STAT3: variants seen among roughly 807,000 people sequenced by gnomAD.
STAT3 encodes the protein signal transducer and activator of transcription 3, also known as DNA-binding protein APRF.
In STAT3, 7 loss-of-function variants were observed where a neutral mutation model predicts 114.3. The ratio of observed to expected loss-of-function variants is 0.06; its 90% CI spans 0.03 to 0.11. The LOEUF (loss-of-function observed/expected upper bound fraction) is 0.11. STAT3 is among the 10% of genes least tolerant of loss of function. STAT3 has a pLI of 1.00. For missense variants in STAT3, 364 were observed against 960.9 expected (o/e 0.38, Z 8.21); for synonymous variants, 331 against 354.5 (o/e 0.93, Z 0.74).
chr17:42,330,392 A>G (rs995702054), intron 11 of STAT3, among the ~76,000 whole-genome samples: 4 of 150,186 alleles, frequency 2.7e-5, no homozygotes, highest in African/African-American at 9.8e-5. Context: ...CTGAGATTAC[A>G]GGCGTGAGCC....
chr17:42,344,725 A>G (rs936172198), intron 4 of STAT3, among the ~76,000 whole-genome samples: 18 of 151,290 alleles, frequency 1.2e-4, no homozygotes, highest in Middle Eastern at 6.8e-3. Flanking sequence ...TCTCAAAAAA[A>G]AAAAAAAAGA....
At chr17:42,383,366 C>T (rs1598540848) in intron 1 of STAT3, among the ~76,000 whole-genome samples, 1 of 143,910 alleles carries the variant, frequency 6.9e-6, no homozygotes, top group Admixed American at 6.9e-5. Context: ...CTGTTTTTGC[C>T]TTTTTTTTTT....
rs1477283446 is a variant in STAT3 at position 42,339,343 on chromosome 17, G to A, written c.439C>T (p.His147Tyr). ...VTEKQQMLEQHLQDVRKRVQD... is the reference protein window; with the variant it reads ...VTEKQQMLEQYLQDVRKRVQD... ...ACTCTCTTCCGGACATCCTGAAGGT[G>A]CTGCTCCAGCATCTGCTGCTTCTCC... is the stretch of plus-strand genomic sequence containing the variant. Residue 147 changes from histidine (H) to tyrosine (Y), a missense_variant, in exon 5 of 24, where the codon CAC becomes TAC. By Grantham distance (83) the His-to-Tyr change is moderately conservative. Around this residue, in one of 5 missense-constraint regions of STAT3, gnomAD observed 294 missense variants for 745.1 expected, o/e 0.39. Transcript: ENST00000264657. 1 of 1,614,028 alleles carries A rather than the reference G, an allele frequency of 6.2e-7. No homozygotes were observed. Among genetic ancestry groups the A allele is most frequent in the Non-Finnish European group, 8.5e-7 (1 of 1,179,990 alleles).
At chr17:42,380,636 G>A (rs932583750) in intron 1 of STAT3, among the ~76,000 whole-genome samples, 23 of 152,000 alleles carry the variant, frequency 1.5e-4, no homozygotes, top group African/African-American at 4.1e-4. Context: ...TGATCCACCC[G>A]CCTTGGCCTC....
Position 42,331,474 on chromosome 17 carries a change from G to A in STAT3, c.1107C>T (p.Asp369=). Residue 369 remains aspartate, a splice_region_variant and synonymous_variant, in exon 11 of 24, where the codon GAC becomes GAT. Transcript: ENST00000264657. ...NYQLKIKVCI[D]KDSGDVAALR... is the part of the protein sequence containing the mutation. ...AGAGCTAAGATAGGAGTACTTACTT[G>A]TCAATGCACACTTTAATTTTAAGCT... The A allele has an allele frequency of 6.2e-7, 1 of 1,613,146 alleles. No individual in the cohort carries two copies. Among genetic ancestry groups the A allele is most frequent in the East Asian group, 2.2e-5 (1 of 44,848 alleles).
At chr17:42,376,703 G>A (rs759042827) in intron 1 of STAT3, among the ~76,000 whole-genome samples, 3 of 151,720 alleles carry the variant, frequency 2.0e-5, no homozygotes, top group African/African-American at 4.8e-5. Context: ...AAAATTAGCC[G>A]GGCATTGTGA....
At chr17:42,381,225 A>G (rs2084775275) in intron 1 of STAT3, among the ~76,000 whole-genome samples, 1 of 152,220 alleles carries the variant, frequency 6.6e-6, no homozygotes, top group East Asian at 1.9e-4. Context: ...TCAAAACTAC[A>G]ATAGCAATCA....
At chr17:42,376,144 C>T (rs1207736276) in intron 1 of STAT3, among the ~76,000 whole-genome samples, 2 of 45,576 alleles carry the variant, frequency 4.4e-5, no homozygotes, top group African/African-American at 8.8e-5. Context: ...GAGTGAGACT[C>T]CGTCTCAAAA....
intron 1 of STAT3, among the ~76,000 whole-genome samples, chr17:42,362,939 AC>A (rs1012192201): frequency 6.6e-6 from 1 of 152,010 alleles, no homozygotes; most frequent in African/African-American, 2.4e-5. Flanking sequence ...TATCACCATC[AC>A]CATGACTTGC....
At chr17:42,316,310 A>C (rs570979439) in intron 23 of STAT3, 7 of 355,046 alleles carry the variant, frequency 2.0e-5, no homozygotes, top group South Asian at 1.4e-4. Flanking sequence ...ATCTCTGCTC[A>C]CTGCAACCTC....
intron 20 of STAT3, 85 bp downstream of exon 20, chr17:42,322,919 A>AG: frequency 6.3e-7 from 1 of 1,597,958 alleles, no homozygotes; most frequent in South Asian, 1.1e-5. Context: ...TCCACCCACC[A>AG]GGGGGCAGTA....
At chr17:42,332,499 C>A (rs1163229656) in intron 10 of STAT3, among the ~76,000 whole-genome samples, 1 of 134,732 alleles carries the variant, frequency 7.4e-6, no homozygotes, top group Non-Finnish European at 1.5e-5. Flanking sequence ...GATCACACCT[C>A]AGCACTCTAG....
rs1006843641 is a variant in STAT3, at chr17:42,324,624, A to C, written c.1600+87T>G. ...AGGAAAGAAACATGGCCTAATGCTCAGTAGACATGGCCCAAATGAACAGCC... is the reference window on the plus strand; with the variant it reads ...AGGAAAGAAACATGGCCTAATGCTCCGTAGACATGGCCCAAATGAACAGCC... On this transcript the variant is annotated intron_variant, in intron 17 of 23. Coordinates refer to ENST00000264657, the MANE Select transcript of STAT3 (RefSeq NM_139276.3). This position sits in a 1 kb window ranked among gnomAD's most constrained non-coding sequence, Gnocchi z 4.5. 2 of 1,507,778 alleles carry C rather than the reference A, an allele frequency of 1.3e-6. No homozygotes were observed. The highest frequency in any genetic ancestry group is 1.8e-6 in the Non-Finnish European group (2 of 1,124,404). 93.4% of individuals were successfully genotyped at this position (1,507,778 alleles called of 1,614,324 possible).
At chr17:42,344,144 C>T (rs988081395) in intron 4 of STAT3, among the ~76,000 whole-genome samples, 2 of 152,142 alleles carry the variant, frequency 1.3e-5, no homozygotes, top group East Asian at 1.9e-4. Flanking sequence ...TTAATTAAGC[C>T]AGGTGCGGTT....
At chr17:42,385,412 G>C (rs1046957417) in intron 1 of STAT3, among the ~76,000 whole-genome samples, 2 of 151,476 alleles carry the variant, frequency 1.3e-5, no homozygotes, top group African/African-American at 2.4e-5. Flanking sequence ...AGGAGGCTGA[G>C]GTGCGAGAAT....
At chr17:42,350,472 G>T (rs2082893566) in intron 1 of STAT3, among the ~76,000 whole-genome samples, 1 of 152,136 alleles carries the variant, frequency 6.6e-6, no homozygotes, top group South Asian at 2.1e-4. Context: ...TTTTTGTAGA[G>T]ATAGGGTCTT....
rs1406579500 is a variant in STAT3, at chr17:42,388,397, G to A, written c.-142C>T. 1.1e-5 allele frequency: 14 copies of A among 1,231,666 alleles called. No individual in the cohort carries two copies. Among genetic ancestry groups the A allele is most frequent in the South Asian group, 4.1e-5 (1 of 24,336 alleles). 76.3% of individuals were successfully genotyped at this position (1,231,666 alleles called of 1,614,324 possible). A position where few individuals can be genotyped will look rare whatever the true frequency, so the allele number is the denominator to read the frequency against. On this transcript the variant is annotated 5_prime_UTR_variant, in exon 1 of 24. Transcript: ENST00000264657. ...AGGGGGAGAGACAGCGCCAAGCCGGGGTGCCTGTCCAGGATCCGGTTGGGG... is the reference window on the plus strand; with the variant it reads ...AGGGGGAGAGACAGCGCCAAGCCGGAGTGCCTGTCCAGGATCCGGTTGGGG...
At chr17:42,331,906 T>C (rs957467670) in intron 10 of STAT3, among the ~76,000 whole-genome samples, 1 of 151,544 alleles carries the variant, frequency 6.6e-6, no homozygotes, top group African/African-American at 2.4e-5. Context: ...CTAGCCTAGA[T>C]GACAGAGCGA....
At chr17:42,345,951 G>T (rs1419974253) in intron 3 of STAT3, among the ~76,000 whole-genome samples, 3 of 144,536 alleles carry the variant, frequency 2.1e-5, no homozygotes, top group African/African-American at 7.9e-5. Context: ...ACGGCTTATT[G>T]CAGCTTCGAC....
Sources: gnomAD v4.1 joint callset for allele counts (sites outside exome capture counted in the v4.1 genomes callset) on GRCh38, gnomAD v4.1.1 for gene constraint, gnomAD v4.1.1 regional missense constraint, Gnocchi (gnomAD v3.1) non-coding constraint, MANE v1.5 for transcripts, NCBI Gene and HGNC (gene_info 2026-07-23, HGNC 2026-07-21) for gene names.